TTLL11: variants seen among roughly 807,000 people sequenced by gnomAD.
The protein encoded by TTLL11 is tubulin polyglutamylase TTLL11.
TTLL11 carries 42 observed loss-of-function variants against 51.7 expected under a neutral mutation model. The ratio of observed to expected loss-of-function variants is 0.81; its 90% confidence interval spans 0.64 to 1.05. TTLL11 has a LOEUF of 1.05. Among genes scored for constraint, TTLL11 ranks in the 50% least tolerant of loss-of-function variants. The probability of loss-of-function intolerance (pLI) is 0.00; values close to 1 mark genes in which losing one functional copy is unlikely to be tolerated. For synonymous variants in TTLL11, 381 were observed against 383.5 expected (o/e 0.99, Z 0.08); for missense variants, 799 against 940.4 (o/e 0.85, Z 1.97).
chr9:122,004,317 A>T (rs1843572485), intron 3 of TTLL11, among the ~76,000 whole-genome samples: 1 of 151,606 alleles, frequency 6.6e-6, no homozygotes, highest in East Asian at 1.9e-4. Context: ...AGAAACTAAT[A>T]TGCATTGAGC....
In TTLL11 at chr9:121,988,357, AC is replaced by A. The variant is rs11447565; in HGVS notation, c.1269+837del. 3.0e-3 allele frequency among the ~76,000 whole-genome samples: 453 copies of A among 149,464 alleles called. 6 individuals are homozygous for A. The highest frequency in any genetic ancestry group is 0.011 in the African/African-American group (437 of 40,542). Reference sequence around the variant, plus strand: ...CCCTGCTTAAAATTCTCCAGGGACCACCCCCCCGAACCAATACCCAGGCTCT... The same window carrying A: ...CCCTGCTTAAAATTCTCCAGGGACCACCCCCCGAACCAATACCCAGGCTCT... On this transcript the variant is annotated intron_variant, in intron 4 of 8. Coordinates refer to ENST00000321582, the MANE Select transcript of TTLL11 (RefSeq NM_001139442.2).
intron 1 of TTLL11, among the ~76,000 whole-genome samples, chr9:122,087,382 C>T (rs1397882355): frequency 3.3e-5 from 5 of 152,110 alleles, no homozygotes; most frequent in Non-Finnish European, 7.4e-5. Context: ...TTGCACATAA[C>T]CCCTATTTAA....
intron 6 of TTLL11, among the ~76,000 whole-genome samples, chr9:121,900,525 C>T (rs1030384728): frequency 3.3e-5 from 5 of 152,092 alleles, no homozygotes; most frequent in African/African-American, 4.8e-5. Context: ...TGATGTCTTT[C>T]GTTTCTATTC....
intron 3 of TTLL11, among the ~76,000 whole-genome samples, chr9:121,997,981 C>T (rs1843330667): frequency 1.3e-5 from 2 of 152,350 alleles, no homozygotes; most frequent in Admixed American, 6.5e-5. Flanking sequence ...TTCTCCTCCC[C>T]CAGGTCTCCT....
rs1325042083 is a variant in TTLL11 at position 122,043,326 on chromosome 9, A to C, written c.463-3958T>G. ...GGACAGTGGGATAGGATAGCTCAGA[A>C]ATAAAGCCTCTCAGGTGTGATCAAA... is the stretch of plus-strand genomic sequence containing the variant. On this transcript the variant is annotated intron_variant, in intron 1 of 8. Coordinates refer to ENST00000321582, the MANE Select transcript of TTLL11 (RefSeq NM_001139442.2). 2.6e-5 allele frequency among the ~76,000 whole-genome samples: 4 copies of C among 152,346 alleles called. No individual in the cohort carries two copies. In the East Asian group the frequency reaches 7.7e-4, roughly 29 times the overall value.
intron 6 of TTLL11, among the ~76,000 whole-genome samples, chr9:121,886,554 G>C (rs568448354): frequency 2.6e-5 from 4 of 152,282 alleles, no homozygotes; most frequent in African/African-American, 9.6e-5. Flanking sequence ...AGCTTTGGAG[G>C]GGGCATGGCC....
At chr9:121,903,322 G>A (rs1447881913) in intron 6 of TTLL11, among the ~76,000 whole-genome samples, 1 of 152,154 alleles carries the variant, frequency 6.6e-6, no homozygotes, top group East Asian at 1.9e-4. Context: ...TTGCTCTTGG[G>A]TTTTTTAGAA....
At chr9:121,852,156 T>C (rs1355264535) in intron 8 of TTLL11, among the ~76,000 whole-genome samples, 2 of 152,200 alleles carry the variant, frequency 1.3e-5, no homozygotes, top group African/African-American at 2.4e-5. Flanking sequence ...ACTGGGAGTG[T>C]GTGCACTGTG....
chr9:122,077,667 G>T (rs893815666), intron 1 of TTLL11, among the ~76,000 whole-genome samples: 2 of 151,694 alleles, frequency 1.3e-5, no homozygotes, highest in African/African-American at 4.8e-5. Context: ...GTAAAATATT[G>T]GACAAAAATC....
intron 8 of TTLL11, among the ~76,000 whole-genome samples, chr9:121,828,096 TCTTGCGGAATGAC>T (rs1215238644): frequency 6.6e-6 from 1 of 152,152 alleles, no homozygotes; most frequent in Admixed American, 6.5e-5. Context: ...ACTTACATGT[TCTTGCGGAATGAC>T]CTTCCACCCT....
chr9:122,007,870 T>G (rs1843698757), intron 3 of TTLL11, among the ~76,000 whole-genome samples: 1 of 152,032 alleles, frequency 6.6e-6, no homozygotes, highest in Non-Finnish European at 1.5e-5. Flanking sequence ...ACTTACTAAT[T>G]AGAAAGGGGA....
At chr9:121,834,813 T>A in intron 8 of TTLL11, among the ~76,000 whole-genome samples, 1 of 146,138 alleles carries the variant, frequency 6.8e-6, no homozygotes, top group East Asian at 2.0e-4. Flanking sequence ...GGCGACAGAG[T>A]GAGACTCTGT....
At chr9:121,894,750 G>C (rs566849736) in intron 6 of TTLL11, among the ~76,000 whole-genome samples, 13 of 152,160 alleles carry the variant, frequency 8.5e-5, no homozygotes, top group Non-Finnish European at 1.9e-4. Flanking sequence ...GGCCTGTCGG[G>C]GGGTGGGGAC....
chr9:121,834,949 A>G (rs1421250835), intron 8 of TTLL11, among the ~76,000 whole-genome samples: 1 of 152,066 alleles, frequency 6.6e-6, no homozygotes, highest in Admixed American at 6.5e-5. Flanking sequence ...CTCCTACTGA[A>G]GTTGGCCAAT....
At chr9:121,943,632 C>G (rs1328753648) in intron 6 of TTLL11, among the ~76,000 whole-genome samples, 1 of 152,136 alleles carries the variant, frequency 6.6e-6, no homozygotes, top group Non-Finnish European at 1.5e-5. Context: ...GAAGCCAGAG[C>G]TTGTATCTAT....
chr9:121,924,292 C>T (rs772778396), intron 6 of TTLL11, among the ~76,000 whole-genome samples: 1 of 152,192 alleles, frequency 6.6e-6, no homozygotes, highest in East Asian at 1.9e-4. Flanking sequence ...GTAGTGACGC[C>T]GTTGAATGTG....
At chr9:121,830,474 C>T (rs748147906) in intron 8 of TTLL11, among the ~76,000 whole-genome samples, 5 of 152,320 alleles carry the variant, frequency 3.3e-5, no homozygotes, top group South Asian at 2.1e-4. Context: ...ATCTGCAAAG[C>T]GGGGCTTATT....
chr9:121,904,835 C>G (rs1433704554), intron 6 of TTLL11, among the ~76,000 whole-genome samples: 1 of 152,194 alleles, frequency 6.6e-6, no homozygotes, highest in East Asian at 1.9e-4. Context: ...CCACAGATAA[C>G]CTTCGTGCTA....
intron 3 of TTLL11, among the ~76,000 whole-genome samples, chr9:122,010,922 G>A (rs953312294): frequency 2.0e-5 from 3 of 152,180 alleles, no homozygotes; most frequent in South Asian, 4.1e-4. Flanking sequence ...AGAGGAATGC[G>A]TAAGCTTGGG....
Sources: allele counts gnomAD v4.1 joint callset (sites outside exome capture counted in the v4.1 genomes callset), GRCh38; gene constraint gnomAD v4.1.1; transcripts MANE v1.5; gene names NCBI Gene and HGNC (gene_info 2026-07-23, HGNC 2026-07-21).